Variants in ILDR1 observed in about 807,000 individuals in gnomAD.
The protein encoded by ILDR1 is immunoglobulin-like domain-containing receptor 1.
Under a neutral mutation model 62.4 loss-of-function variants are expected in ILDR1, and 56 were observed. The observed-to-expected ratio is 0.90, with a 90% CI of 0.72 to 1.12. ILDR1 has a LOEUF of 1.12. Ranked by LOEUF, ILDR1 falls within the 50% of genes most tolerant of loss-of-function variation. The probability of loss-of-function intolerance (pLI) is 0.00; values close to 1 mark genes in which losing one functional copy is unlikely to be tolerated. For missense variants in ILDR1, 736 were observed against 710.6 expected (o/e 1.04, Z -0.41); for synonymous variants, 284 against 277.8 (o/e 1.02, Z -0.22).
the ILDR1 span, among the ~76,000 whole-genome samples, chr3:122,032,909 A>G: frequency 6.6e-6 from 1 of 152,246 alleles, no homozygotes; most frequent in African/African-American, 2.4e-5. Context: ...CTAACTCATG[A>G]GAGACACTAA....
the ILDR1 span, among the ~76,000 whole-genome samples, chr3:122,052,355 C>G: frequency 6.6e-6 from 1 of 152,234 alleles, no homozygotes; most frequent in Non-Finnish European, 1.5e-5. Flanking sequence ...GCATGCTTCA[C>G]TCTTTTCCAT....
the ILDR1 span, among the ~76,000 whole-genome samples, chr3:122,048,077 C>T: frequency 3.3e-5 from 5 of 152,238 alleles, no homozygotes; most frequent in African/African-American, 9.6e-5. Flanking sequence ...GTGATGCTAG[C>T]AGTGGGATTT....
chr3:121,998,058 C>T (rs577223868), intron 5 of ILDR1, among the ~76,000 whole-genome samples: 3 of 152,080 alleles, frequency 2.0e-5, no homozygotes, highest in South Asian at 2.1e-4. Flanking sequence ...TTGCTGAAAT[C>T]GAGTCAGGCA....
At chr3:122,041,795 AC>A in the ILDR1 span, among the ~76,000 whole-genome samples, 1 of 150,632 alleles carries the variant, frequency 6.6e-6, no homozygotes, top group Non-Finnish European at 1.5e-5. Context: ...ATTAGATTTA[AC>A]TTTTTTTTTT....
the ILDR1 span, among the ~76,000 whole-genome samples, chr3:122,051,805 T>C: frequency 6.6e-6 from 1 of 152,202 alleles, no homozygotes; most frequent in Non-Finnish European, 1.5e-5. Context: ...ACCTTCATAA[T>C]CTTTAGCCTG....
chr3:122,008,889 G>A (rs4974395), intron 1 of ILDR1, among the ~76,000 whole-genome samples: 91,861 of 150,934 alleles, frequency 0.61, 28,477 homozygotes, highest in Admixed American at 0.74. Context: ...CACTGCGCCC[G>A]GCCTGAGCCA....
intron 5 of ILDR1, among the ~76,000 whole-genome samples, chr3:121,994,975 A>G (rs1213020121): frequency 6.6e-6 from 1 of 152,128 alleles, no homozygotes; most frequent in Non-Finnish European, 1.5e-5. Flanking sequence ...AAGTAGGGGA[A>G]TTTCTCAGGG....
At position 121,994,549 on chromosome 3, in the gene ILDR1, A is replaced by C. The variant is rs2071409792; in HGVS notation, c.647-236T>G. Among the ~76,000 whole-genome samples the C allele has an allele frequency of 2.0e-5, 3 of 152,238 alleles. No individual in the cohort carries two copies. In the South Asian group the frequency reaches 6.2e-4, roughly 31 times the overall value. On this transcript the variant is annotated intron_variant, in intron 5 of 7. Transcript: ENST00000344209. ...TTGTACCCCAGTAAAGTATATTCTTAAAACTTGACTTCCTAGCCTCAAAAT... is the reference window on the plus strand; with the variant it reads ...TTGTACCCCAGTAAAGTATATTCTTCAAACTTGACTTCCTAGCCTCAAAAT...
At chr3:122,040,936 G>T in the ILDR1 span, among the ~76,000 whole-genome samples, 2 of 152,204 alleles carry the variant, frequency 1.3e-5, no homozygotes, top group South Asian at 2.1e-4. Flanking sequence ...AAAAATCTCT[G>T]CTTTGTGAAA....
intron 1 of ILDR1, among the ~76,000 whole-genome samples, chr3:122,008,596 T>TTC (rs1254848898): frequency 0.018 from 529 of 28,720 alleles, no homozygotes; most frequent in African/African-American, 0.038. Flanking sequence ...TTCTTTTCTT[T>TTC]TTTTTTTTTT....
At chr3:122,056,370 C>G in the ILDR1 span, among the ~76,000 whole-genome samples, 1 of 152,142 alleles carries the variant, frequency 6.6e-6, no homozygotes, top group East Asian at 1.9e-4. Context: ...GAGTCTCGCT[C>G]TGTCGCCAAG....
rs757459801 is a variant in ILDR1 at position 121,993,475 on chromosome 3, G to T, written c.1274C>A (p.Pro425His). Residue 425 changes from proline (P) to histidine (H), a missense_variant, in exon 7 of 8, where the codon CCC (proline) becomes CAC (histidine). Transcript: ENST00000344209. ...CCGCCAGCGTGCCTCACTGGATGAGGGGACATCGCTTAGGCTGTCCCTGTC... is the reference window on the plus strand; with the variant it reads ...CCGCCAGCGTGCCTCACTGGATGAGTGGACATCGCTTAGGCTGTCCCTGTC... ...WSDRDSLSDV[P>H]SSSEARWRPS... 1.2e-6 allele frequency: 2 copies of T among 1,614,126 alleles called. No homozygotes were observed. Among genetic ancestry groups the T allele is most frequent in the Non-Finnish European group, 1.7e-6 (2 of 1,180,052 alleles).
intron 1 of ILDR1, among the ~76,000 whole-genome samples, chr3:122,013,637 T>C (rs1182860419): frequency 1.3e-5 from 2 of 151,760 alleles, no homozygotes; most frequent in South Asian, 2.1e-4. Context: ...GGACTAGCTA[T>C]GAACAAGAAG....
the ILDR1 span, among the ~76,000 whole-genome samples, chr3:122,042,829 G>A: frequency 2.0e-5 from 3 of 152,164 alleles, no homozygotes; most frequent in African/African-American, 4.8e-5. Flanking sequence ...TTTGTCAGAT[G>A]AGTAGGTTGT....
At chr3:122,040,723 C>CAAAA in the ILDR1 span, among the ~76,000 whole-genome samples, 1 of 65,392 alleles carries the variant, frequency 1.5e-5, no homozygotes, top group Non-Finnish European at 3.2e-5. Flanking sequence ...AATCCAGATG[C>CAAAA]AAAAAAAAAA....
chr3:122,005,447 A>G, intron 2 of ILDR1, 54 bp from the exon 3 acceptor site: 1 of 1,606,004 alleles, frequency 6.2e-7, no homozygotes, highest in Admixed American at 1.7e-5. Context: ...TCCCACAAAA[A>G]AAAGGTTCCC....
chr3:122,024,834 T>C (rs959320316), upstream of ILDR1, among the ~76,000 whole-genome samples: 1 of 152,250 alleles, frequency 6.6e-6, no homozygotes, highest in African/African-American at 2.4e-5. Flanking sequence ...TGAAACACTA[T>C]AGACCCTCAC....
intron 1 of ILDR1, among the ~76,000 whole-genome samples, chr3:122,018,393 G>GT (rs2071807005): frequency 7.3e-6 from 1 of 136,744 alleles, no homozygotes; most frequent in African/African-American, 2.7e-5. Context: ...GCCTGTTGGG[G>GT]TGGGGGGGGG....
In ILDR1 at chr3:121,994,295, T is replaced by C. The variant is rs1365969282; in HGVS notation, c.665A>G (p.Tyr222Cys). Residue 222 changes from tyrosine to cysteine, a missense_variant, in exon 6 of 8, where the codon TAC (tyrosine) becomes TGC (cysteine). Transcript: ENST00000344209. ...CPEEALARHR[Y>C]MKQAQALGPQ... ...ACCTAGGGCCTGGGCCTGCTTCATGTAGCGGTGGCGGGCCAGGGCTGCAGG... is the reference window on the plus strand; with the variant it reads ...ACCTAGGGCCTGGGCCTGCTTCATGCAGCGGTGGCGGGCCAGGGCTGCAGG... The C allele has an allele frequency of 2.0e-6, 3 of 1,535,430 alleles. No individual in the cohort carries two copies. Among genetic ancestry groups the C allele is most frequent in the Non-Finnish European group, 2.6e-6 (3 of 1,146,374 alleles).
Sources: allele counts gnomAD v4.1 joint callset (sites outside exome capture counted in the v4.1 genomes callset), GRCh38; gene constraint gnomAD v4.1.1; transcripts MANE v1.5; gene names NCBI Gene and HGNC (gene_info 2026-07-23, HGNC 2026-07-21).